PGAP1: variants seen among roughly 807,000 people sequenced by gnomAD.
The protein encoded by PGAP1 is post-GPI attachment to proteins inositol deacylase 1.
In PGAP1, 76 loss-of-function variants were observed where a neutral mutation model predicts 127.0. The observed-to-expected ratio is 0.60, with a 90% CI of 0.50 to 0.72. The LOEUF (loss-of-function observed/expected upper bound fraction) is 0.72, where lower values mean the gene tolerates loss of function less well. Among genes scored for constraint, PGAP1 ranks in the 30% least tolerant of loss-of-function variants. PGAP1 has a pLI of 0.00. For synonymous variants in PGAP1, 362 were observed against 366.5 expected (o/e 0.99, Z 0.14); for missense variants, 982 against 1,071.3 (o/e 0.92, Z 1.16).
chr2:196,869,432 TCACG>T (rs1421199482), intron 19 of PGAP1, among the ~76,000 whole-genome samples: 2 of 152,134 alleles, frequency 1.3e-5, no homozygotes, highest in Non-Finnish European at 2.9e-5. Flanking sequence ...ACCTCTGGGT[TCACG>T]CCATTCTCCT....
At chr2:196,850,608 G>A (rs544671119) in intron 20 of PGAP1, among the ~76,000 whole-genome samples, 1 of 152,148 alleles carries the variant, frequency 6.6e-6, no homozygotes, top group Admixed American at 6.6e-5. Flanking sequence ...CCACATGTAG[G>A]ATGACAAGGC....
chr2:196,872,794 A>G, intron 17 of PGAP1, 166 bp downstream of exon 17: 5 of 557,722 alleles, frequency 9.0e-6, no homozygotes, highest in Non-Finnish European at 1.6e-5. Context: ...GTTCTCTATC[A>G]TTTCATAAGA....
intron 24 of PGAP1, 146 bp from the exon 25 acceptor site, chr2:196,844,221 A>T (rs1238898138): frequency 1.8e-6 from 1 of 553,548 alleles, no homozygotes; most frequent in Non-Finnish European, 2.9e-6. Flanking sequence ...TTGCTTAAAA[A>T]TACTTTAAAA....
At chr2:196,906,034 G>A (rs1198114989) in intron 4 of PGAP1, among the ~76,000 whole-genome samples, 43 of 76,946 alleles carry the variant, frequency 5.6e-4, no homozygotes, top group African/African-American at 2.1e-3. Context: ...AGGGGCGCCC[G>A]CCATAGCCCA....
At position 196,846,010 on chromosome 2, in the gene PGAP1, C is replaced by A; in HGVS notation, c.2158G>T (p.Glu720Ter). 1 of 1,582,278 alleles carries A rather than the reference C, an allele frequency of 6.3e-7. No homozygotes were observed. Among genetic ancestry groups the A allele is most frequent in the South Asian group, 1.2e-5 (1 of 85,832 alleles). Residue 720 changes from glutamate (E) to a stop codon, truncating the protein, a stop_gained, in exon 23 of 27, where the codon GAA (glutamate) becomes TAA (stop). Coordinates refer to ENST00000354764, the MANE Select transcript of PGAP1 (RefSeq NM_024989.4). LOFTEE classifies it high-confidence loss of function. ...SLWLALKRPS[E>*]LPKDIKMISP... ...ATCATCTTGATATCTTTAGGAAGTT[C>A]AGAGGGTCTGGAATTATAAGAATAA... is the stretch of plus-strand genomic sequence containing the variant.
chr2:196,883,883 C>T (rs1270799679), intron 12 of PGAP1, among the ~76,000 whole-genome samples: 1 of 152,192 alleles, frequency 6.6e-6, no homozygotes, highest in Non-Finnish European at 1.5e-5. Flanking sequence ...GCTGAGAACA[C>T]ACAAGATTGC....
At chr2:196,881,458 T>A (rs1026472047) in intron 12 of PGAP1, among the ~76,000 whole-genome samples, 1 of 152,242 alleles carries the variant, frequency 6.6e-6, no homozygotes, top group Non-Finnish European at 1.5e-5. Context: ...TCTTCCACAA[T>A]GGTTGAACTA....
chr2:196,857,305 C>A (rs890543478), intron 20 of PGAP1, among the ~76,000 whole-genome samples: 3 of 152,190 alleles, frequency 2.0e-5, no homozygotes, highest in Non-Finnish European at 4.4e-5. Flanking sequence ...GCTGGCCCAG[C>A]ACTTTGAAAT....
intron 4 of PGAP1, among the ~76,000 whole-genome samples, chr2:196,907,225 A>G (rs868238790): frequency 2.3e-4 from 3 of 13,150 alleles, no homozygotes; most frequent in Middle Eastern, 0.021. Context: ...CCCTCAAAGG[A>G]AAGCCCATCA....
At chr2:196,880,252 T>TAA in intron 12 of PGAP1, 99 bp from the exon 13 acceptor site, 2 of 757,494 alleles carry the variant, frequency 2.6e-6, no homozygotes, top group South Asian at 3.7e-5. Context: ...TTCGTTATCT[T>TAA]AAAAAGCAGG....
chr2:196,884,769 A>G (rs1308199392), intron 12 of PGAP1, among the ~76,000 whole-genome samples: 2 of 152,218 alleles, frequency 1.3e-5, no homozygotes, highest in Non-Finnish European at 2.9e-5. Flanking sequence ...CAATCCGGAT[A>G]AAATTTATCA....
At chr2:196,867,706 T>A (rs1003764513) in intron 19 of PGAP1, among the ~76,000 whole-genome samples, 9 of 152,170 alleles carry the variant, frequency 5.9e-5, no homozygotes, top group Admixed American at 5.2e-4. Flanking sequence ...TTCCACAGAA[T>A]TTTTTTAGAA....
At chr2:196,843,725 C>A (rs1366463685) in intron 25 of PGAP1, among the ~76,000 whole-genome samples, 163 bp downstream of exon 25, 1 of 151,920 alleles carries the variant, frequency 6.6e-6, no homozygotes, top group Non-Finnish European at 1.5e-5. Context: ...GGGACTCCAT[C>A]TCAAAAAATT....
chr2:196,901,559 T>C (rs974820669), intron 5 of PGAP1, among the ~76,000 whole-genome samples: 31 of 152,210 alleles, frequency 2.0e-4, no homozygotes, highest in Non-Finnish European at 3.5e-4. Context: ...TATTTGGAGA[T>C]GATGTGTATA....
At chr2:196,918,860 T>C (rs1703095182) in intron 2 of PGAP1, among the ~76,000 whole-genome samples, 1 of 152,204 alleles carries the variant, frequency 6.6e-6, no homozygotes, top group African/African-American at 2.4e-5. Context: ...TCTCTGTATG[T>C]AATATTTCAA....
chr2:196,863,259 G>A (rs558681736), intron 20 of PGAP1, among the ~76,000 whole-genome samples: 4 of 152,246 alleles, frequency 2.6e-5, no homozygotes, highest in African/African-American at 9.6e-5. Flanking sequence ...TCAAAAAGAT[G>A]TCTGCATCCC....
At chr2:196,894,459 T>C (rs1157785785) in intron 7 of PGAP1, among the ~76,000 whole-genome samples, 1 of 152,222 alleles carries the variant, frequency 6.6e-6, no homozygotes, top group African/African-American at 2.4e-5. Flanking sequence ...TGTTTGATTT[T>C]CTTAAGGGGC....
intron 20 of PGAP1, among the ~76,000 whole-genome samples, chr2:196,859,219 T>C (rs1700984158): frequency 6.6e-6 from 1 of 152,044 alleles, no homozygotes. Flanking sequence ...CCCAGCTACT[T>C]GGGAGACTGA....
intron 22 of PGAP1, 73 bp from the exon 23 acceptor site, chr2:196,846,090 A>C: frequency 5.7e-6 from 5 of 873,938 alleles, no homozygotes; most frequent in Non-Finnish European, 8.1e-6. Context: ...GAAGAAAACA[A>C]TATAGTACCC....
Sources: gnomAD v4.1 joint callset for allele counts (sites outside exome capture counted in the v4.1 genomes callset) on GRCh38, gnomAD v4.1.1 for gene constraint, MANE v1.5 for transcripts, NCBI Gene and HGNC (gene_info 2026-07-23, HGNC 2026-07-21) for gene names.